Variants in PANX3 observed in about 807,000 individuals in gnomAD.
PANX3 encodes pannexin-3.
A neutral mutation model predicts 31.5 loss-of-function variants in PANX3; 18 were observed. That is an observed-to-expected ratio of 0.57 (90% CI 0.39 to 0.85). The LOEUF is 0.85. Among genes scored for constraint, PANX3 ranks in the 40% least tolerant of loss-of-function variants. PANX3 has a pLI of 0.00. For synonymous variants in PANX3, 194 were observed against 201.6 expected, an observed-to-expected ratio of 0.96 and a Z score of 0.32; for missense variants, 426 against 485.4, an observed-to-expected ratio of 0.88 and a Z score of 1.15.
intron 1 of PANX3, among the ~76,000 whole-genome samples, chr11:124,611,972 A>AT (rs1565394074): frequency 6.7e-6 from 1 of 148,614 alleles, no homozygotes; most frequent in African/African-American, 2.6e-5. Context: ...AAAAAAAAAA[A>AT]TTGTTGTAAT....
At chr11:124,613,343 G>C (rs1012062578) in intron 2 of PANX3, among the ~76,000 whole-genome samples, 28 of 152,202 alleles carry the variant, frequency 1.8e-4, no homozygotes, top group African/African-American at 6.8e-4. Context: ...TAAACAGGCA[G>C]ACTTCGGTTT....
At chr11:124,617,028 A>G (rs1386235558) in intron 2 of PANX3, among the ~76,000 whole-genome samples, 1 of 148,042 alleles carries the variant, frequency 6.8e-6, no homozygotes, top group Non-Finnish European at 1.5e-5. Flanking sequence ...CTGGGACCCC[A>G]CACAGACCCT....
In PANX3 at chr11:124,613,027, G is replaced by A; in HGVS notation, c.229G>A (p.Ala77Thr). 6.2e-7 allele frequency: 1 copy of A among 1,614,114 alleles called. No homozygotes were observed. The highest frequency in any genetic ancestry group is 8.5e-7 in the Non-Finnish European group (1 of 1,180,016). ...FSPSNFSIRQ[A>T]AYVDSSCWDS... ...TCCCAGTAACTTCAGCATCCGGCAG[G>A]CAGCCTACGTGGACAGCTCCTGCTG... The change falls in exon 2 of 4, where the codon GCA becomes ACA. Residue 77 changes from alanine (A) to threonine (T), a missense_variant. Physicochemically the swap from Ala to Thr is moderately conservative, Grantham distance 58 (BLOSUM62 0). Transcript: ENST00000284288.
In PANX3 at chr11:124,616,735, AC is replaced by A. The variant is rs896865409; in HGVS notation, c.325-537del. On this transcript the variant is annotated intron_variant, in intron 2 of 3. Coordinates refer to ENST00000284288, the MANE Select transcript of PANX3 (RefSeq NM_052959.3). The surrounding 1 kb of genome is among the most constrained non-coding windows in gnomAD (Gnocchi z 4.8). The stretch of plus-strand genomic sequence containing the variant: ...ACCAAGAATCCAAAAATCAGAAAAG[AC>A]CACTGTGCATCAGACAAGTCCAGGA... 6.6e-6 allele frequency among the ~76,000 whole-genome samples: 1 copy of A among 152,202 alleles called. No homozygotes were observed. Among genetic ancestry groups the A allele is most frequent in the Non-Finnish European group, 1.5e-5 (1 of 68,030 alleles).
At position 124,616,999 on chromosome 11, in the gene PANX3, T is replaced by C. The variant is rs1222187423; in HGVS notation, c.325-275T>C. ...TCCTTATTCTCTCTCTCTCTCCTTATTCTCTCTCTCTCTTCTCCCTGGGAC... is the reference window on the plus strand; with the variant it reads ...TCCTTATTCTCTCTCTCTCTCCTTACTCTCTCTCTCTCTTCTCCCTGGGAC... On this transcript the variant is annotated intron_variant, in intron 2 of 3. Coordinates refer to ENST00000284288, the MANE Select transcript of PANX3 (RefSeq NM_052959.3). This position sits in a 1 kb window ranked among gnomAD's most constrained non-coding sequence, Gnocchi z 4.8. 9.1e-6 allele frequency among the ~76,000 whole-genome samples: 1 copy of C among 110,308 alleles called. No individual in the cohort carries two copies. The highest frequency in any genetic ancestry group is 1.6e-5 in the Non-Finnish European group (1 of 62,708). The allele number at this position is 110,308 out of a possible 152,430, so 72.4% of individuals were successfully genotyped here. A position where few individuals can be genotyped will look rare whatever the true frequency, so the allele number is the denominator to read the frequency against.
rs138365917 is a variant in PANX3, at chr11:124,614,670, C to CTTT, written c.324+1569_324+1571dup. 5.9e-3 allele frequency among the ~76,000 whole-genome samples: 562 copies of CTTT among 95,324 alleles called. 12 individuals are homozygous for CTTT. Among genetic ancestry groups the CTTT allele is most frequent in the African/African-American group, 0.017 (379 of 22,252 alleles). The allele number at this position is 95,324 out of a possible 152,430, so 62.5% of individuals were successfully genotyped here. On this transcript the variant is annotated intron_variant, in intron 2 of 3. Coordinates refer to ENST00000284288, the MANE Select transcript of PANX3 (RefSeq NM_052959.3). Reference sequence around the variant, plus strand: ...GGTTTATTTTCAATAAACGCCCTTTCTTTTTTTTTTTTTTTTTTTTTTTGA... The same window carrying CTTT: ...GGTTTATTTTCAATAAACGCCCTTTCTTTTTTTTTTTTTTTTTTTTTTTTTTGA...
Position 124,619,988 on chromosome 11 carries a change from A to G in PANX3, c.*53A>G, listed in dbSNP as rs1225172906. 8 of 1,534,996 alleles carry G rather than the reference A, an allele frequency of 5.2e-6. No individual in the cohort carries two copies. The highest frequency in any genetic ancestry group is 7.0e-6 in the Non-Finnish European group (8 of 1,143,224). ...GTGGAAAGTCTCTCTCCTTCCTCAT[A>G]AGACATGCACACTAATACACATACA... On this transcript the variant is annotated 3_prime_UTR_variant, in exon 4 of 4. Coordinates refer to ENST00000284288, the MANE Select transcript of PANX3 (RefSeq NM_052959.3).
At chr11:124,613,218 CT>C (rs1420709318) in intron 2 of PANX3, 96 bp downstream of exon 2, 49 of 1,397,138 alleles carry the variant, frequency 3.5e-5, no homozygotes, top group African/African-American at 4.3e-5. Flanking sequence ...CCCACCACCC[CT>C]AACCCATTTA....
rs1863202703 is a variant in PANX3, at chr11:124,620,306, G to C, written c.*371G>C. 5.8e-6 allele frequency: 1 copy of C among 171,746 alleles called. No homozygotes were observed. The highest frequency in any genetic ancestry group is 1.2e-5 in the Non-Finnish European group (1 of 81,688). The allele number at this position is 171,746 out of a possible 1,614,324, so 10.6% of individuals were successfully genotyped here. ...ACGCACATTCAGCTTACCCCAGAGA[G>C]CAAGTGAGGCAATCTGGCAAAAGAT... On this transcript the variant is annotated 3_prime_UTR_variant, in exon 4 of 4. Transcript: ENST00000284288.
At chr11:124,611,972 A>T (rs1039480654) in intron 1 of PANX3, among the ~76,000 whole-genome samples, 2,523 of 148,680 alleles carry the variant, frequency 0.017, 33 homozygotes, top group African/African-American at 0.035. Flanking sequence ...AAAAAAAAAA[A>T]TTGTTGTAAT....
chr11:124,611,625 CCGCCTCAAAGGACTG>C lies in PANX3; in HGVS notation c.72_86del (p.Lys26_Leu30del). 1 of 1,614,186 alleles carries C rather than the reference CCGCCTCAAAGGACTG, an allele frequency of 6.2e-7. No individual in the cohort carries two copies. Among genetic ancestry groups the C allele is most frequent in the Middle Eastern group, 1.6e-4 (1 of 6,062 alleles). ...CCCTGCTGCCTGACCGCAGGGGACC[CCGCCTCAAAGGACTG>C]CGTCTGGAACTGCCCCTGGACCGGA... On this transcript the variant is annotated inframe_deletion, in exon 1 of 4. Transcript: ENST00000284288.
At chr11:124,611,806 A>G (rs1270099817) in intron 1 of PANX3, 69 bp downstream of exon 1, 5 of 1,514,008 alleles carry the variant, frequency 3.3e-6, no homozygotes, top group Non-Finnish European at 4.5e-6. Context: ...ATGGGCTCTG[A>G]AGTGAGATGG....
chr11:124,617,191 G>A (rs1863162381), intron 2 of PANX3, 83 bp from the exon 3 acceptor site: 1 of 1,138,966 alleles, frequency 8.8e-7, no homozygotes, highest in Non-Finnish European at 1.3e-6. Context: ...CAGGAACAGG[G>A]GAAAGGAGAG....
intron 2 of PANX3, among the ~76,000 whole-genome samples, chr11:124,615,839 C>G (rs2134311568): frequency 6.6e-6 from 1 of 152,114 alleles, no homozygotes; most frequent in African/African-American, 2.4e-5. Context: ...TGGTGAAACC[C>G]CATCTCTACT....
intron 3 of PANX3, among the ~76,000 whole-genome samples, chr11:124,618,455 G>T (rs1863177331): frequency 6.6e-6 from 1 of 152,094 alleles, no homozygotes; most frequent in Non-Finnish European, 1.5e-5. Flanking sequence ...TTCCGTATTT[G>T]CATGTCTTAT....
Position 124,616,298 on chromosome 11 carries a change from C to T in PANX3, c.325-976C>T, listed in dbSNP as rs1246378576. ...AAGGGAAACGTCTGCCAGGTTCCCACTCCTTGGCCTGTAGATCCAGTGCCC... is the reference window on the plus strand; with the variant it reads ...AAGGGAAACGTCTGCCAGGTTCCCATTCCTTGGCCTGTAGATCCAGTGCCC... On this transcript the variant is annotated intron_variant, in intron 2 of 3. Transcript: ENST00000284288. The surrounding 1 kb of genome is among the most constrained non-coding windows in gnomAD (Gnocchi z 4.8). Among the ~76,000 whole-genome samples the T allele has an allele frequency of 6.6e-6, 1 of 152,140 alleles. No individual in the cohort carries two copies. Among genetic ancestry groups the T allele is most frequent in the Admixed American group, 6.5e-5 (1 of 15,286 alleles).
rs554491250 is a variant in PANX3 at position 124,619,927 on chromosome 11, C to T, written c.1171C>T (p.His391Tyr). ...CCTCACCAACTCGGCATGTGATGAA[C>T]ACCCATAGTTAAGAAACCATGGAGC... ...KHLTNSACDE[H>Y]P Residue 391 changes from histidine to tyrosine, a missense_variant, in exon 4 of 4, where the codon CAC becomes TAC. Transcript: ENST00000284288. 7 of 1,600,720 alleles carry T rather than the reference C, an allele frequency of 4.4e-6. No individual in the cohort carries two copies. The highest frequency in any genetic ancestry group is 1.7e-4 in the Middle Eastern group (1 of 5,958).
intron 2 of PANX3, 47 bp downstream of exon 2, chr11:124,613,169 G>A (rs1863115350): frequency 1.3e-6 from 2 of 1,586,070 alleles, no homozygotes; most frequent in Non-Finnish European, 1.7e-6. Context: ...GAGTGGAGTG[G>A]TGCAGAACCC....
At position 124,619,757 on chromosome 11, in the gene PANX3, G is replaced by A. The variant is rs145694850; in HGVS notation, c.1001G>A (p.Arg334Gln). The change falls in exon 4 of 4, where the codon CGA becomes CAA. Residue 334 changes from arginine to glutamine, a missense_variant. By Grantham distance (43) the Arg-to-Gln change is conservative. Transcript: ENST00000284288. Reference protein sequence around the residue: ...NDLNVILLFLRANISELISFS... With the variant: ...NDLNVILLFLQANISELISFS... ...CTCAATGTGATCCTTCTTTTCCTCCGAGCTAACATCTCTGAGCTCATCTCT... is the reference window on the plus strand; with the variant it reads ...CTCAATGTGATCCTTCTTTTCCTCCAAGCTAACATCTCTGAGCTCATCTCT... 20 of 1,613,916 alleles carry A rather than the reference G, an allele frequency of 1.2e-5. No individual in the cohort carries two copies. The highest frequency in any genetic ancestry group is 8.8e-5 in the South Asian group (8 of 91,056).
Sources: gnomAD v4.1 joint callset for allele counts (sites outside exome capture counted in the v4.1 genomes callset) on GRCh38, gnomAD v4.1.1 for gene constraint, Gnocchi (gnomAD v3.1) non-coding constraint, MANE v1.5 for transcripts, NCBI Gene and HGNC (gene_info 2026-07-23, HGNC 2026-07-21) for gene names.